TRAPPC9: variants seen among roughly 807,000 people sequenced by gnomAD.
TRAPPC9 encodes IKK2 binding protein.
A neutral mutation model predicts 124.0 loss-of-function variants in TRAPPC9; 83 were observed. The observed-to-expected ratio is 0.67, with a 90% CI of 0.56 to 0.80. TRAPPC9 has a LOEUF of 0.80. TRAPPC9 is among the 30% of genes least tolerant of loss of function. TRAPPC9 has a pLI of 0.00. For missense variants in TRAPPC9, 1,302 were observed against 1,508.3 expected (o/e 0.86, Z 2.27); for synonymous variants, 638 against 617.5 (o/e 1.03, Z -0.49).
chr8:139,869,346 G>A (rs1285237049), intron 21 of TRAPPC9, among the ~76,000 whole-genome samples: 1 of 152,050 alleles, frequency 6.6e-6, no homozygotes. Context: ...AGACAGAGAA[G>A]GGCATCTTAA....
intron 21 of TRAPPC9, among the ~76,000 whole-genome samples, chr8:139,838,451 T>G (rs903935785): frequency 6.6e-6 from 1 of 152,114 alleles, no homozygotes; most frequent in Non-Finnish European, 1.5e-5. Context: ...CTCTGGGGCA[T>G]GTGGGGTGGC....
At chr8:139,990,412 AC>A (rs1837558728) in intron 18 of TRAPPC9, among the ~76,000 whole-genome samples, 1 of 152,156 alleles carries the variant, frequency 6.6e-6, no homozygotes, top group African/African-American at 2.4e-5. Flanking sequence ...GAACTGAGGT[AC>A]AGGGGGTAGA....
intron 12 of TRAPPC9, among the ~76,000 whole-genome samples, chr8:140,287,972 G>A (rs1233455419): frequency 6.6e-6 from 1 of 152,198 alleles, no homozygotes; most frequent in Non-Finnish European, 1.5e-5. Context: ...AGCCCTGTTT[G>A]CTGTCTGATA....
intron 9 of TRAPPC9, among the ~76,000 whole-genome samples, chr8:140,321,267 G>A (rs1299800124): frequency 1.3e-5 from 2 of 152,218 alleles, no homozygotes; most frequent in African/African-American, 2.4e-5. Context: ...AGACCCTGAG[G>A]AGCCAGGTGC....
intron 18 of TRAPPC9, among the ~76,000 whole-genome samples, chr8:140,005,219 A>G (rs1838670807): frequency 1.3e-5 from 2 of 151,990 alleles, no homozygotes; most frequent in African/African-American, 2.4e-5. Flanking sequence ...ACCACCAAAA[A>G]CCAAACCCTC....
intron 11 of TRAPPC9, among the ~76,000 whole-genome samples, chr8:140,295,073 T>G (rs2065769423): frequency 6.6e-6 from 1 of 152,178 alleles, no homozygotes; most frequent in South Asian, 2.1e-4. Flanking sequence ...CTGCCCTCCC[T>G]GTTGCGGGAC....
chr8:140,139,478 C>T (rs561546303), intron 17 of TRAPPC9, among the ~76,000 whole-genome samples: 181 of 152,242 alleles, frequency 1.2e-3, no homozygotes, highest in African/African-American at 4.1e-3. Flanking sequence ...AAGACACAGA[C>T]GAAAACATCC....
chr8:140,201,382 G>C (rs1418891234), intron 17 of TRAPPC9, among the ~76,000 whole-genome samples: 2 of 152,180 alleles, frequency 1.3e-5, no homozygotes, highest in Non-Finnish European at 2.9e-5. Flanking sequence ...TTCACCTGCT[G>C]ATCTGCCTTG....
intron 9 of TRAPPC9, among the ~76,000 whole-genome samples, chr8:140,357,678 G>T (rs896102388): frequency 3.7e-4 from 57 of 152,122 alleles, no homozygotes; most frequent in African/African-American, 1.3e-3. Context: ...TGCCCAAGCC[G>T]CCACTGAGCC....
chr8:140,297,386 TGC>T, intron 11 of TRAPPC9, among the ~76,000 whole-genome samples: 1 of 137,536 alleles, frequency 7.3e-6, no homozygotes, highest in South Asian at 2.3e-4. Context: ...AATATACACA[TGC>T]ATACACACAT....
chr8:140,413,137 C>T lies in TRAPPC9; in HGVS notation c.887-7439G>A, dbSNP rs189870064. Among the ~76,000 whole-genome samples the T allele has an allele frequency of 1.5e-3, 228 of 152,226 alleles. 1 individual carries two copies. Among genetic ancestry groups the T allele is most frequent in the Admixed American group, 3.7e-3 (56 of 15,288 alleles). On this transcript the variant is annotated intron_variant, in intron 5 of 22. Coordinates refer to ENST00000438773, the MANE Select transcript of TRAPPC9 (RefSeq NM_001160372.4). ...GGCACGGTGGCTCACGTCTGTAATC[C>T]CAGCACTTTGGGAGGCCGAGGCAGG...
intron 21 of TRAPPC9, among the ~76,000 whole-genome samples, chr8:139,765,136 C>T (rs1331121658): frequency 5.9e-5 from 9 of 152,184 alleles, no homozygotes; most frequent in Admixed American, 2.0e-4. Flanking sequence ...CACAGATGCA[C>T]CCAAGGGTGG....
Position 140,287,644 on chromosome 8 carries a change from C to T in TRAPPC9, c.1945G>A (p.Gly649Arg). The T allele has an allele frequency of 1.2e-6, 2 of 1,614,162 alleles. No homozygotes were observed. The highest frequency in any genetic ancestry group is 8.5e-7 in the Non-Finnish European group (1 of 1,180,042). Residue 649 changes from glycine to arginine, a missense_variant, in exon 13 of 23, where the codon GGG (glycine) becomes AGG (arginine). Transcript: ENST00000438773. Reference protein sequence around the residue: ...ESGLYPVTLVGVPQTTGTITV... With the variant: ...ESGLYPVTLVRVPQTTGTITV... Reference sequence around the variant, plus strand: ...ATCGTTCCAGTCGTCTGCGGGACCCCGACGAGCGTCACTGGGTACAGACCA... The same window carrying T: ...ATCGTTCCAGTCGTCTGCGGGACCCTGACGAGCGTCACTGGGTACAGACCA...
At chr8:140,045,954 C>G (rs1390962484) in intron 17 of TRAPPC9, among the ~76,000 whole-genome samples, 1 of 152,136 alleles carries the variant, frequency 6.6e-6, no homozygotes, top group Non-Finnish European at 1.5e-5. Flanking sequence ...TTCCATAAAT[C>G]AGCTGTCCTC....
intron 19 of TRAPPC9, among the ~76,000 whole-genome samples, chr8:139,985,561 C>T (rs759685380): frequency 5.3e-5 from 8 of 152,116 alleles, no homozygotes; most frequent in Admixed American, 1.3e-4. Flanking sequence ...CAGCCCCACG[C>T]GCATACCCAC....
chr8:140,327,092 A>G (rs1308063368), intron 9 of TRAPPC9, among the ~76,000 whole-genome samples: 1 of 152,148 alleles, frequency 6.6e-6, no homozygotes, highest in East Asian at 1.9e-4. Context: ...GTCTCTACTA[A>G]AAATACAAAA....
chr8:140,222,724 T>C (rs928517025), intron 16 of TRAPPC9, among the ~76,000 whole-genome samples: 4 of 152,322 alleles, frequency 2.6e-5, no homozygotes, highest in Non-Finnish European at 5.9e-5. Context: ...AGATACTGCC[T>C]CCTGAGGAGT....
chr8:140,145,036 C>T (rs992954656), intron 17 of TRAPPC9, among the ~76,000 whole-genome samples: 3 of 151,436 alleles, frequency 2.0e-5, no homozygotes, highest in Admixed American at 2.0e-4. Flanking sequence ...GCCGTCACAC[C>T]CAGCTAATTT....
Position 140,327,712 on chromosome 8 carries a change from T to A in TRAPPC9, c.1496-16338A>T, listed in dbSNP as rs147927874. ...TATGAGGTACCTAAAATAGGCAAATTCATCAAGAGGAAAAGTAGAATGATG... is the reference window on the plus strand; with the variant it reads ...TATGAGGTACCTAAAATAGGCAAATACATCAAGAGGAAAAGTAGAATGATG... On this transcript the variant is annotated intron_variant, in intron 9 of 22. Transcript: ENST00000438773. Among the ~76,000 whole-genome samples, 922 of 152,264 alleles carry A rather than the reference T, an allele frequency of 6.1e-3. 9 individuals are homozygous for A. The highest frequency in any genetic ancestry group is 0.021 in the African/African-American group (879 of 41,556).
Sources: gnomAD v4.1 joint callset for allele counts (sites outside exome capture counted in the v4.1 genomes callset) on GRCh38, gnomAD v4.1.1 for gene constraint, MANE v1.5 for transcripts, NCBI Gene and HGNC (gene_info 2026-07-23, HGNC 2026-07-21) for gene names.